SEMA3E: variants seen among roughly 807,000 people sequenced by gnomAD.
The protein encoded by SEMA3E is semaphorin-3E.
In SEMA3E, 49 loss-of-function variants were observed where a neutral mutation model predicts 93.6. The observed-to-expected ratio is 0.52, with a 90% confidence interval of 0.42 to 0.66. The LOEUF is 0.66. SEMA3E is among the 30% of genes least tolerant of loss of function. SEMA3E has a pLI of 0.00. For missense variants in SEMA3E, 906 were observed against 964.8 expected, an observed-to-expected ratio of 0.94 and a Z score of 0.81; for synonymous variants, 363 against 330.7, an observed-to-expected ratio of 1.10 and a Z score of -1.06.
rs576112785 is a variant in SEMA3E at position 83,474,762 on chromosome 7, C to T, written c.277-5460G>A. Reference sequence around the variant, plus strand: ...AGGAGTCACTGACCCCACTATAGGTCGAATCCTAGAAGTGAAGCTGCAGAG... The same window carrying T: ...AGGAGTCACTGACCCCACTATAGGTTGAATCCTAGAAGTGAAGCTGCAGAG... On this transcript the variant is annotated intron_variant, in intron 2 of 16. Transcript: ENST00000643230. Among the ~76,000 whole-genome samples, 8 of 152,214 alleles carry T rather than the reference C, an allele frequency of 5.3e-5. No homozygotes were observed. In the South Asian group the frequency reaches 1.5e-3, roughly 28 times the overall value.
chr7:83,572,452 A>T (rs1221651234), intron 1 of SEMA3E, among the ~76,000 whole-genome samples: 4 of 152,116 alleles, frequency 2.6e-5, no homozygotes, highest in Admixed American at 6.5e-5. Flanking sequence ...CATCCTGGCC[A>T]ACATGGTGAA....
intron 1 of SEMA3E, among the ~76,000 whole-genome samples, chr7:83,611,284 T>C (rs566022398): frequency 1.7e-3 from 238 of 143,878 alleles, no homozygotes; most frequent in African/African-American, 5.4e-3. Flanking sequence ...ATATATTATA[T>C]ATTAAATTTA....
chr7:83,494,778 T>G (rs1424077663), intron 1 of SEMA3E, among the ~76,000 whole-genome samples: 1 of 151,970 alleles, frequency 6.6e-6, no homozygotes, highest in Admixed American at 6.6e-5. Flanking sequence ...ATATATAAAT[T>G]TCCAGCTCCC....
At chr7:83,410,275 G>A (rs1388137446) in intron 5 of SEMA3E, among the ~76,000 whole-genome samples, 2 of 151,866 alleles carry the variant, frequency 1.3e-5, no homozygotes, top group Non-Finnish European at 2.9e-5. Flanking sequence ...AAGGTAAATG[G>A]TATACAGGTG....
rs763045418 is a variant in SEMA3E, at chr7:83,405,491, A to C, written c.957T>G (p.Asp319Glu). 6.2e-7 allele frequency: 1 copy of C among 1,613,048 alleles called. No individual in the cohort carries two copies. The highest frequency in any genetic ancestry group is 8.5e-7 in the Non-Finnish European group (1 of 1,179,306). The part of the protein sequence containing the change: ...LEDVFLLPTR[D>E]HKNPVIFGLF... ...GTCCAAATATCACTGGATTCTTATG[A>C]TCTCTGGTAGGTAGCAAAAAAACGT... Residue 319 changes from aspartate (D) to glutamate (E), a missense_variant, in exon 9 of 17, where the codon GAT becomes GAG. Transcript: ENST00000643230.
At position 83,528,247 on chromosome 7, in the gene SEMA3E, TCAAA is replaced by T. The variant is rs548949495; in HGVS notation, c.116-37977_116-37974del. Among the ~76,000 whole-genome samples, 7 of 152,210 alleles carry T rather than the reference TCAAA, an allele frequency of 4.6e-5. No individual in the cohort carries two copies. In the South Asian group the frequency reaches 1.5e-3, roughly 32 times the overall value. On this transcript the variant is annotated intron_variant, in intron 1 of 16. Coordinates refer to ENST00000643230, the MANE Select transcript of SEMA3E (RefSeq NM_012431.3). Reference sequence around the variant, plus strand: ...ATGAAGCATTTCTAACTTGGGAAACTCAAACAAAAATAAATCTTGAAAAATAATT... The same window carrying T: ...ATGAAGCATTTCTAACTTGGGAAACTCAAAAATAAATCTTGAAAAATAATT...
At chr7:83,369,543 TAA>T (rs1353546287) in intron 16 of SEMA3E, among the ~76,000 whole-genome samples, 4 of 152,322 alleles carry the variant, frequency 2.6e-5, no homozygotes, top group Admixed American at 6.5e-5. Flanking sequence ...GTTGGGCTAA[TAA>T]AAGAGTCTCC....
intron 1 of SEMA3E, among the ~76,000 whole-genome samples, chr7:83,630,806 T>C (rs978992702): frequency 6.6e-6 from 1 of 152,152 alleles, no homozygotes; most frequent in Non-Finnish European, 1.5e-5. Flanking sequence ...GTTAATCTTA[T>C]AACAAAAACA....
intron 1 of SEMA3E, among the ~76,000 whole-genome samples, chr7:83,568,154 A>G (rs1308096952): frequency 6.6e-6 from 1 of 152,178 alleles, no homozygotes; most frequent in Non-Finnish European, 1.5e-5. Context: ...TCCTGGATAC[A>G]TACAATCTAC....
In SEMA3E at chr7:83,489,737, C is replaced by T. The variant is rs552135247; in HGVS notation, c.276+377G>A. Among the ~76,000 whole-genome samples the T allele has an allele frequency of 2.8e-3, 54 of 19,238 alleles. No homozygotes were observed. The East Asian group carries it at 0.42, about 151-fold the overall frequency. 12.6% of individuals were successfully genotyped at this position (19,238 alleles called of 152,430 possible). Reference sequence around the variant, plus strand: ...ACTATATGAGGTAGTTATATCGAGGCCACATATTTAACATTTCTTCAAGCT... The same window carrying T: ...ACTATATGAGGTAGTTATATCGAGGTCACATATTTAACATTTCTTCAAGCT... On this transcript the variant is annotated intron_variant, in intron 2 of 16. Coordinates refer to ENST00000643230, the MANE Select transcript of SEMA3E (RefSeq NM_012431.3).
At chr7:83,517,045 C>T (rs1226380294) in intron 1 of SEMA3E, among the ~76,000 whole-genome samples, 1 of 151,784 alleles carries the variant, frequency 6.6e-6, no homozygotes, top group Admixed American at 6.6e-5. Context: ...TACAATCTAC[C>T]CTTGTGACTA....
rs566212453 is a variant in SEMA3E, at chr7:83,431,354, AAT to A, written c.457-12873_457-12872del. Among the ~76,000 whole-genome samples, 776 of 151,960 alleles carry A rather than the reference AAT, an allele frequency of 5.1e-3. 6 individuals carry two copies. The highest frequency in any genetic ancestry group is 0.018 in the African/African-American group (730 of 41,500). ...GAAAGTTAAATTTTTATTAGAAAAA[AAT>A]AAATATAAATTAAAAAATATATCTT... On this transcript the variant is annotated intron_variant, in intron 4 of 16. Transcript: ENST00000643230.
chr7:83,557,531 C>A (rs1406487352), intron 1 of SEMA3E, among the ~76,000 whole-genome samples: 1 of 151,776 alleles, frequency 6.6e-6, no homozygotes, highest in African/African-American at 2.4e-5. Flanking sequence ...TGCCAAAGAT[C>A]TTTTCATTAA....
intron 2 of SEMA3E, among the ~76,000 whole-genome samples, chr7:83,471,641 A>AT (rs1267031547): frequency 2.6e-5 from 4 of 152,086 alleles, no homozygotes; most frequent in Non-Finnish European, 4.4e-5. Context: ...TATACTGAGG[A>AT]TTTTTTTGTT....
chr7:83,403,012 G>T (rs557777464), intron 9 of SEMA3E, among the ~76,000 whole-genome samples: 1 of 151,960 alleles, frequency 6.6e-6, no homozygotes, highest in Non-Finnish European at 1.5e-5. Flanking sequence ...TTGTTACAAT[G>T]ACAAAAATAA....
intron 12 of SEMA3E, among the ~76,000 whole-genome samples, chr7:83,394,757 T>G (rs1788088384): frequency 6.6e-6 from 1 of 152,196 alleles, no homozygotes. Context: ...TTTTAATCAT[T>G]TGAACCCAAA....
In SEMA3E at chr7:83,409,391, T is replaced by G. The variant is rs200614738; in HGVS notation, c.551-904A>C. On this transcript the variant is annotated intron_variant, in intron 5 of 16. Coordinates refer to ENST00000643230, the MANE Select transcript of SEMA3E (RefSeq NM_012431.3). ...GTCCTGGCCATACCCGGCTCAGTTG[T>G]CCTGTCTGGAGCAAAAATCTCTGGC... Among the ~76,000 whole-genome samples, 28 of 152,264 alleles carry G rather than the reference T, an allele frequency of 1.8e-4. No individual in the cohort carries two copies. The East Asian group carries it at 4.4e-3, about 24-fold the overall frequency.
chr7:83,621,265 A>G (rs1014679007), intron 1 of SEMA3E, among the ~76,000 whole-genome samples: 1 of 152,196 alleles, frequency 6.6e-6, no homozygotes, highest in Non-Finnish European at 1.5e-5. Flanking sequence ...AGAGAATAAT[A>G]TACCTAAGAA....
chr7:83,626,071 G>A (rs1793662547), intron 1 of SEMA3E, among the ~76,000 whole-genome samples: 1 of 152,132 alleles, frequency 6.6e-6, no homozygotes, highest in African/African-American at 2.4e-5. Flanking sequence ...TGATTGTGGT[G>A]TATAAGCTTT....
Sources: allele counts gnomAD v4.1 joint callset (sites outside exome capture counted in the v4.1 genomes callset), GRCh38; gene constraint gnomAD v4.1.1; transcripts MANE v1.5; gene names NCBI Gene and HGNC (gene_info 2026-07-23, HGNC 2026-07-21).